ARAP2: variants seen among roughly 807,000 people sequenced by gnomAD.
ARAP2 encodes the protein ArfGAP with RhoGAP domain, ankyrin repeat and PH domain 2.
ARAP2 carries 148 observed loss-of-function variants against 194.5 expected under a neutral mutation model. That is an observed-to-expected ratio of 0.76 (90% CI 0.67 to 0.87). The LOEUF (loss-of-function observed/expected upper bound fraction) is 0.87, where lower values mean the gene tolerates loss of function less well. ARAP2 is among the 40% of genes least tolerant of loss of function. The pLI is 0.00. For synonymous variants in ARAP2, 695 were observed against 683.5 expected (o/e 1.02, Z -0.26); for missense variants, 2,128 against 1,989.7 (o/e 1.07, Z -1.32).
chr4:36,091,933 T>A lies in ARAP2; in HGVS notation c.4373A>T (p.Asp1458Val). Residue 1458 changes from aspartate to valine, a missense_variant, in exon 28 of 33, where the codon GAC becomes GTC. Physicochemically the swap from Asp to Val is radical, Grantham distance 152. Coordinates refer to ENST00000303965, the MANE Select transcript of ARAP2 (RefSeq NM_015230.4). ...SKILSGNKFQ[D>V]RYFVLRDGFL... ...CCCATCTCGTAAAACAAAATACCGG[T>A]CTTGAAACTTATTTCCAGATAGTAT... 1 of 1,608,468 alleles carries A rather than the reference T, an allele frequency of 6.2e-7. No homozygotes were observed. Among genetic ancestry groups the A allele is most frequent in the African/African-American group, 1.3e-5 (1 of 74,948 alleles).
intron 6 of ARAP2, among the ~76,000 whole-genome samples, chr4:36,198,524 G>A (rs1289427563): frequency 1.3e-5 from 2 of 152,230 alleles, no homozygotes; most frequent in East Asian, 1.9e-4. Context: ...GTCAAGAGGT[G>A]TCTGCAGGCC....
At chr4:36,020,410 C>T (rs1405345924) in intron 5 of ARAP2, among the ~76,000 whole-genome samples, 1 of 151,856 alleles carries the variant, frequency 6.6e-6, no homozygotes, top group Non-Finnish European at 1.5e-5. Flanking sequence ...AAACAAGGCC[C>T]CCGCCCCCAC....
At chr4:36,198,774 G>A (rs1055848722) in intron 6 of ARAP2, among the ~76,000 whole-genome samples, 1 of 152,200 alleles carries the variant, frequency 6.6e-6, no homozygotes, top group Admixed American at 6.5e-5. Context: ...TTGAGCTTTC[G>A]TAGGTAGGGG....
chr4:36,235,716 T>A (rs1217906035), intron 1 of ARAP2, among the ~76,000 whole-genome samples: 1 of 152,232 alleles, frequency 6.6e-6, no homozygotes, highest in African/African-American at 2.4e-5. Context: ...TTTAAAATGT[T>A]GTCTAAGTAA....
downstream of ARAP2, among the ~76,000 whole-genome samples, chr4:36,061,317 T>G (rs992794784): frequency 1.1e-4 from 16 of 152,216 alleles, no homozygotes; most frequent in African/African-American, 3.9e-4. Context: ...TTTATTCTTT[T>G]GTATCCATTA....
chr4:36,061,525 C>T (rs1475390767), downstream of ARAP2, among the ~76,000 whole-genome samples: 7 of 152,140 alleles, frequency 4.6e-5, no homozygotes, highest in African/African-American at 1.2e-4. Flanking sequence ...ATGGATGAAT[C>T]GCACGCCATT....
chr4:36,063,560 G>A (rs150980737), downstream of ARAP2, among the ~76,000 whole-genome samples: 10 of 151,874 alleles, frequency 6.6e-5, no homozygotes, highest in African/African-American at 2.4e-5. Context: ...AAATTTCTGC[G>A]GTTGTGGCGC....
At chr4:36,053,088 A>T (rs373918077) in intron 2 of ARAP2, among the ~76,000 whole-genome samples, 2 of 151,350 alleles carry the variant, frequency 1.3e-5, no homozygotes, top group African/African-American at 4.9e-5. Context: ...GCTCACTGCA[A>T]CCTCCGCCTC....
intron 21 of ARAP2, among the ~76,000 whole-genome samples, chr4:36,126,198 A>G (rs980658791): frequency 1.1e-4 from 16 of 152,050 alleles, no homozygotes. Context: ...GAAATTAATT[A>G]TGTATAATTC....
chr4:36,093,317 C>A (rs1510649), intron 27 of ARAP2, among the ~76,000 whole-genome samples: 1 of 151,472 alleles, frequency 6.6e-6, no homozygotes, highest in Non-Finnish European at 1.5e-5. Context: ...CCCAAGTTTA[C>A]CTATGTAACA....
At chr4:36,198,081 C>G (rs373137260) in intron 6 of ARAP2, among the ~76,000 whole-genome samples, 1 of 152,160 alleles carries the variant, frequency 6.6e-6, no homozygotes, top group Non-Finnish European at 1.5e-5. Context: ...GAAGGAGGTA[C>G]GCAGACAAGT....
At chr4:36,078,001 C>T (rs1728640224) in intron 31 of ARAP2, among the ~76,000 whole-genome samples, 1 of 152,144 alleles carries the variant, frequency 6.6e-6, no homozygotes, top group South Asian at 2.1e-4. Context: ...TTAGTGCCTT[C>T]CTTATGTCAG....
At chr4:36,011,304 C>A (rs987635779) in intron 9 of ARAP2, among the ~76,000 whole-genome samples, 2 of 152,038 alleles carry the variant, frequency 1.3e-5, no homozygotes, top group African/African-American at 4.8e-5. Context: ...ATTTGTCTGA[C>A]CTTTAATTCA....
At chr4:36,192,265 T>A (rs1012840945) in intron 7 of ARAP2, among the ~76,000 whole-genome samples, 3 of 151,362 alleles carry the variant, frequency 2.0e-5, no homozygotes, top group Admixed American at 2.0e-4. Context: ...TAAATTTTTT[T>A]AATATTAAGC....
chr4:36,233,290 C>G (rs1267673874), intron 1 of ARAP2, among the ~76,000 whole-genome samples: 2 of 152,166 alleles, frequency 1.3e-5, no homozygotes, highest in East Asian at 3.9e-4. Context: ...GTTTTGACCT[C>G]CAATTGCAGT....
chr4:36,043,396 C>T (rs1341272946), intron 5 of ARAP2, among the ~76,000 whole-genome samples: 1 of 152,150 alleles, frequency 6.6e-6, no homozygotes, highest in Non-Finnish European at 1.5e-5. Context: ...CTGAAAATTG[C>T]CCTGTCTATG....
downstream of ARAP2, chr4:36,065,125 T>C: frequency 3.7e-6 from 1 of 269,922 alleles, no homozygotes; most frequent in East Asian, 9.7e-5. Context: ...TGAGCTCCAA[T>C]GACTTCTTCA....
chr4:36,199,103 G>T (rs1035722090), intron 6 of ARAP2, among the ~76,000 whole-genome samples: 1 of 152,196 alleles, frequency 6.6e-6, no homozygotes, highest in Non-Finnish European at 1.5e-5. Context: ...CTTGGCTCAC[G>T]CCATCTCTGT....
chr4:36,140,175 C>CACAT (rs1283506325), intron 19 of ARAP2, among the ~76,000 whole-genome samples: 2 of 150,300 alleles, frequency 1.3e-5, no homozygotes, highest in African/African-American at 4.9e-5. Context: ...CACACACACA[C>CACAT]ATCTTAGAGG....
Sources: allele counts gnomAD v4.1 joint callset (sites outside exome capture counted in the v4.1 genomes callset), GRCh38; gene constraint gnomAD v4.1.1; transcripts MANE v1.5; gene names NCBI Gene and HGNC (gene_info 2026-07-23, HGNC 2026-07-21).